SH2D3C: variants seen among roughly 807,000 people sequenced by gnomAD.
The protein encoded by SH2D3C is SH2 domain containing 3C.
SH2D3C carries 25 observed loss-of-function variants against 75.2 expected under a neutral mutation model. That is an observed-to-expected ratio of 0.33 (90% CI 0.24 to 0.46). The LOEUF (loss-of-function observed/expected upper bound fraction) is 0.46. Ranked by LOEUF, SH2D3C falls within the 20% of genes least tolerant of loss-of-function variation. The probability of loss-of-function intolerance (pLI) is 1.00; values close to 1 mark genes in which losing one functional copy is unlikely to be tolerated. For synonymous variants in SH2D3C, 450 were observed against 473.7 expected (o/e 0.95, Z 0.65); for missense variants, 933 against 1,165.3 (o/e 0.80, Z 2.90).
At chr9:127,752,247 C>A (rs1376911257) in intron 3 of SH2D3C, among the ~76,000 whole-genome samples, 1 of 152,162 alleles carries the variant, frequency 6.6e-6, no homozygotes, top group Non-Finnish European at 1.5e-5. Context: ...CTTGTGAGCT[C>A]TCTGGGCCTC....
intron 3 of SH2D3C, chr9:127,755,308 G>T: frequency 9.6e-7 from 1 of 1,040,238 alleles, no homozygotes; most frequent in Non-Finnish European, 1.2e-6. Flanking sequence ...GAGCGGGGAG[G>T]CGGGGCGGGG....
chr9:127,761,372 C>T (rs1055606720), intron 3 of SH2D3C, among the ~76,000 whole-genome samples: 2 of 152,112 alleles, frequency 1.3e-5, no homozygotes, highest in Non-Finnish European at 2.9e-5. Context: ...CAGATGATAT[C>T]AAATATTGGG....
chr9:127,767,493 G>A (rs1845657760), intron 2 of SH2D3C: 1 of 169,740 alleles, frequency 5.9e-6, no homozygotes, highest in African/African-American at 2.4e-5. Flanking sequence ...ACTTCTGGGT[G>A]CAGAGGAGGT....
chr9:127,762,823 C>G (rs936161611), intron 2 of SH2D3C, among the ~76,000 whole-genome samples: 4 of 152,238 alleles, frequency 2.6e-5, no homozygotes, highest in African/African-American at 9.6e-5. Context: ...TCTAGAAGAA[C>G]AAAATCTAAA....
At position 127,739,636 on chromosome 9, in the gene SH2D3C, G is replaced by T; in HGVS notation, c.2407+46C>A. The T allele has an allele frequency of 1.3e-6, 2 of 1,540,464 alleles. No individual in the cohort carries two copies. Among genetic ancestry groups the T allele is most frequent in the South Asian group, 1.2e-5 (1 of 84,122 alleles). On this transcript the variant is annotated intron_variant, in intron 11 of 11. Coordinates refer to ENST00000314830, the MANE Select transcript of SH2D3C (RefSeq NM_170600.3). This position sits in a 1 kb window ranked among gnomAD's most constrained non-coding sequence, Gnocchi z 4.3. ...AAGGGAAGCAGTGAGGCAGGTGGAG[G>T]GAGGCCCAGGCCTGCAAGCCCCCCA...
At chr9:127,761,336 C>T (rs2131790122) in intron 3 of SH2D3C, among the ~76,000 whole-genome samples, 1 of 152,266 alleles carries the variant, frequency 6.6e-6, no homozygotes, top group African/African-American at 2.4e-5. Context: ...TGTTGGGGCC[C>T]CGTCCAGCTG....
intron 3 of SH2D3C, among the ~76,000 whole-genome samples, chr9:127,753,906 T>C (rs1394182181): frequency 6.6e-6 from 1 of 152,234 alleles, no homozygotes. Flanking sequence ...TGTGTGACCT[T>C]GAGCCAGTCA....
At chr9:127,764,190 G>A (rs1465155341) in intron 2 of SH2D3C, among the ~76,000 whole-genome samples, 1 of 152,202 alleles carries the variant, frequency 6.6e-6, no homozygotes, top group Non-Finnish European at 1.5e-5. Context: ...CCTGACTAGG[G>A]TGGCCAGAGC....
chr9:127,774,560 G>T lies in SH2D3C; in HGVS notation c.38-93C>A. ...TTCCTGCAGTTTCACTCGGTGAGGG[G>T]CTGAAGAGGGCTGGCGGTTTCCCAG... On this transcript the variant is annotated intron_variant, in intron 1 of 11. Transcript: ENST00000314830. The surrounding 1 kb of genome is among the most constrained non-coding windows in gnomAD (Gnocchi z 4.3). 1 of 712,640 alleles carries T rather than the reference G, an allele frequency of 1.4e-6. No homozygotes were observed. 44.1% of individuals were successfully genotyped at this position (712,640 alleles called of 1,614,324 possible).
At position 127,738,925 on chromosome 9, in the gene SH2D3C, C is replaced by T. The variant is rs1287970497; in HGVS notation, c.2408-4G>A. On this transcript the variant is annotated splice_region_variant and splice_polypyrimidine_tract_variant and intron_variant, in intron 11 of 11. Coordinates refer to ENST00000314830, the MANE Select transcript of SH2D3C (RefSeq NM_170600.3). This position sits in a 1 kb window ranked among gnomAD's most constrained non-coding sequence, Gnocchi z 5.0. The stretch of plus-strand genomic sequence containing the variant: ...AGCTCCGGCCGGGCCTGGAACCCTG[C>T]AGTGTTGGGGCATAGGGTCAGGGCA... 6.4e-7 allele frequency: 1 copy of T among 1,568,034 alleles called. No homozygotes were observed. Among genetic ancestry groups the T allele is most frequent in the Admixed American group, 1.9e-5 (1 of 53,464 alleles).
At chr9:127,777,653 G>A (rs771275692) in intron 1 of SH2D3C, among the ~76,000 whole-genome samples, 15 of 152,108 alleles carry the variant, frequency 9.9e-5, no homozygotes, top group Non-Finnish European at 2.2e-4. Flanking sequence ...TCCCCTGCCC[G>A]GCCGCAAGGT....
At chr9:127,755,418 C>T (rs933583172) in intron 3 of SH2D3C, 3 of 272,924 alleles carry the variant, frequency 1.1e-5, no homozygotes, top group Middle Eastern at 1.2e-3. Context: ...CCTCCAGTTC[C>T]GCGCGCTCGG....
At chr9:127,740,586 T>C (rs904520555) in intron 9 of SH2D3C, among the ~76,000 whole-genome samples, 31 of 152,258 alleles carry the variant, frequency 2.0e-4, no homozygotes, top group Admixed American at 2.6e-4. Context: ...CAGGAATGAC[T>C]TGCCCAAGGT....
chr9:127,755,343 G>A, intron 3 of SH2D3C: 1 of 530,066 alleles, frequency 1.9e-6, no homozygotes. Flanking sequence ...AGCCGGCCAG[G>A]GGAGGGGAGG....
Position 127,749,217 on chromosome 9 carries a change from G to T in SH2D3C, c.1133C>A (p.Pro378His). The T allele has an allele frequency of 1.9e-6, 3 of 1,552,908 alleles. No homozygotes were observed. The highest frequency in any genetic ancestry group is 1.7e-6 in the Non-Finnish European group (2 of 1,147,602). ...ADKVTRSDGC[P>H]TSTSLPRPRD... ...AAATGGGGCCCTGGCTGACCTGGTG[G>T]GGCAGCCATCGCTGCGGGTGACCTT... is the stretch of plus-strand genomic sequence containing the variant. The change falls in exon 5 of 12, where the codon CCC (proline) becomes CAC (histidine). Residue 378 changes from proline to histidine, a missense_variant. Pro to His is a moderately conservative substitution (Grantham distance 77). Coordinates refer to ENST00000314830, the MANE Select transcript of SH2D3C (RefSeq NM_170600.3). This position sits in a 1 kb window ranked among gnomAD's most constrained non-coding sequence, Gnocchi z 5.9.
Position 127,751,025 on chromosome 9 carries a change from C to T in SH2D3C, c.684+147G>A. 1.4e-6 allele frequency: 1 copy of T among 716,118 alleles called. No homozygotes were observed. Among genetic ancestry groups the T allele is most frequent in the East Asian group, 2.6e-5 (1 of 38,272 alleles). The allele number at this position is 716,118 out of a possible 1,614,324, so 44.4% of individuals were successfully genotyped here. On this transcript the variant is annotated intron_variant, in intron 4 of 11. Coordinates refer to ENST00000314830, the MANE Select transcript of SH2D3C (RefSeq NM_170600.3). The surrounding 1 kb of genome is among the most constrained non-coding windows in gnomAD (Gnocchi z 4.1). ...TCAAGGTCACACAGTCAGTAAAGGG[C>T]AGAGCTAGACCTCATCCCAGTCCAT... is the stretch of plus-strand genomic sequence containing the variant.
In SH2D3C at chr9:127,739,240, T is replaced by G. The variant is rs1200986020; in HGVS notation, c.2408-319A>C. On this transcript the variant is annotated intron_variant, in intron 11 of 11. Transcript: ENST00000314830. This position sits in a 1 kb window ranked among gnomAD's most constrained non-coding sequence, Gnocchi z 4.3. The stretch of plus-strand genomic sequence containing the variant: ...TGTATACATTTTAGGCTGGGTGCGG[T>G]GGCTCACACCTGTAATCCCAGCACT... Among the ~76,000 whole-genome samples, 1 of 152,174 alleles carries G rather than the reference T, an allele frequency of 6.6e-6. No individual in the cohort carries two copies. Among genetic ancestry groups the G allele is most frequent in the African/African-American group, 2.4e-5 (1 of 41,442 alleles).
intron 3 of SH2D3C, among the ~76,000 whole-genome samples, chr9:127,752,240 G>A (rs531302585): frequency 6.6e-6 from 1 of 152,304 alleles, no homozygotes; most frequent in Non-Finnish European, 1.5e-5. Flanking sequence ...GCTGTGCCTT[G>A]TGAGCTCTCT....
chr9:127,741,118 A>C (rs1198225280), intron 9 of SH2D3C, among the ~76,000 whole-genome samples: 1 of 152,234 alleles, frequency 6.6e-6, no homozygotes, highest in Non-Finnish European at 1.5e-5. Context: ...CATTTGTAAA[A>C]TGTGGATGCT....
Sources: gnomAD v4.1 joint callset for allele counts (sites outside exome capture counted in the v4.1 genomes callset) on GRCh38, gnomAD v4.1.1 for gene constraint, Gnocchi (gnomAD v3.1) non-coding constraint, MANE v1.5 for transcripts, NCBI Gene and HGNC (gene_info 2026-07-23, HGNC 2026-07-21) for gene names.